Variants in GLT1D1 observed in about 807,000 individuals in gnomAD.
The protein encoded by GLT1D1 is glycosyltransferase 1 domain containing 1.
A neutral mutation model predicts 28.7 loss-of-function variants in GLT1D1; 21 were observed. That is an observed-to-expected ratio of 0.73 (90% confidence interval 0.52 to 1.05). GLT1D1 has a LOEUF of 1.05. Ranked by LOEUF, GLT1D1 falls within the 50% of genes least tolerant of loss-of-function variation. The pLI is 0.00. For synonymous variants in GLT1D1, 147 were observed against 124.8 expected, an observed-to-expected ratio of 1.18 and a Z score of -1.19; for missense variants, 343 against 330.6, an observed-to-expected ratio of 1.04 and a Z score of -0.29.
chr12:128,959,063 C>G (rs1877621770), intron 7 of GLT1D1, among the ~76,000 whole-genome samples: 1 of 151,622 alleles, frequency 6.6e-6, no homozygotes, highest in Non-Finnish European at 1.5e-5. Flanking sequence ...GTCTCGAACT[C>G]CTGGCCTCAA....
At chr12:128,873,868 C>CTCCT (rs377209374) in intron 1 of GLT1D1, among the ~76,000 whole-genome samples, 2 of 119,896 alleles carry the variant, frequency 1.7e-5, no homozygotes, top group African/African-American at 3.6e-5. Context: ...CCCTCCCTCC[C>CTCCT]TCCTTCCTTC....
chr12:128,947,785 G>T (rs1298507878), intron 6 of GLT1D1, among the ~76,000 whole-genome samples: 1 of 152,162 alleles, frequency 6.6e-6, no homozygotes, highest in Non-Finnish European at 1.5e-5. Context: ...CAGATTGAAG[G>T]TATTTTTGCA....
intron 6 of GLT1D1, among the ~76,000 whole-genome samples, chr12:128,954,344 A>T (rs1367624096): frequency 6.9e-6 from 1 of 145,258 alleles, no homozygotes; most frequent in Non-Finnish European, 1.5e-5. Flanking sequence ...GTTAGCCAGG[A>T]TGGTCTCGAT....
At chr12:128,977,683 C>T (rs1879894264) in intron 7 of GLT1D1, among the ~76,000 whole-genome samples, 1 of 151,588 alleles carries the variant, frequency 6.6e-6, no homozygotes, top group Non-Finnish European at 1.5e-5. Context: ...GTTTTAAACT[C>T]TCTTGAGAGA....
At position 128,862,328 on chromosome 12, in the gene GLT1D1, CAA is replaced by C. The variant is rs34391238; in HGVS notation, c.68+8697_68+8698del. On this transcript the variant is annotated intron_variant, in intron 1 of 7. Transcript: ENST00000281703. ...TGGGTGACAGAGTGAGACTCTGTCT[CAA>C]AAAAAAAAAAAAAAAAACCACAAAG... 1.9e-3 allele frequency among the ~76,000 whole-genome samples: 165 copies of C among 87,992 alleles called. 3 individuals are homozygous for C. Among genetic ancestry groups the C allele is most frequent in the South Asian group, 1.1e-3 (3 of 2,694 alleles). The allele number at this position is 87,992 out of a possible 152,430, so 57.7% of individuals were successfully genotyped here.
chr12:128,913,715 C>T (rs1249001207), intron 4 of GLT1D1, among the ~76,000 whole-genome samples: 2 of 152,204 alleles, frequency 1.3e-5, no homozygotes, highest in Admixed American at 6.5e-5. Context: ...CTGTCATCAC[C>T]GTGTCCTTGC....
At chr12:128,911,855 T>TA (rs1367207272) in intron 4 of GLT1D1, among the ~76,000 whole-genome samples, 1 of 151,810 alleles carries the variant, frequency 6.6e-6, no homozygotes, top group Non-Finnish European at 1.5e-5. Context: ...GCCAGGGAGG[T>TA]AACTTACCAG....
intron 4 of GLT1D1, among the ~76,000 whole-genome samples, chr12:128,908,360 CT>C (rs1040667304): frequency 3.8e-4 from 9 of 23,790 alleles, no homozygotes; most frequent in Non-Finnish European, 6.4e-4. Context: ...TTCTTTCTTT[CT>C]TTTCTTTCTT....
chr12:128,908,829 G>C (rs534371210), intron 4 of GLT1D1, among the ~76,000 whole-genome samples: 1 of 152,210 alleles, frequency 6.6e-6, no homozygotes, highest in Non-Finnish European at 1.5e-5. Flanking sequence ...GGCGCCTGTA[G>C]TCCCAGCTAC....
chr12:128,939,163 G>A (rs1359838778), intron 4 of GLT1D1, among the ~76,000 whole-genome samples: 2 of 152,046 alleles, frequency 1.3e-5, no homozygotes, highest in Admixed American at 6.5e-5. Flanking sequence ...GGGAATCCAG[G>A]GGTTCCTTTC....
chr12:128,891,669 G>A (rs1400430540), intron 3 of GLT1D1, among the ~76,000 whole-genome samples: 1 of 152,116 alleles, frequency 6.6e-6, no homozygotes, highest in Admixed American at 6.6e-5. Context: ...GGGAGCCTCA[G>A]ATTCCTTGTT....
chr12:128,888,742 C>A lies in GLT1D1; in HGVS notation c.321C>A (p.Ala107=). The A allele has an allele frequency of 3.2e-6, 5 of 1,580,854 alleles. No individual in the cohort carries two copies. The highest frequency in any genetic ancestry group is 4.3e-6 in the Non-Finnish European group (5 of 1,151,464). The change falls in exon 3 of 8, where the codon GCC becomes GCA. Residue 107 remains alanine (A), a splice_region_variant and synonymous_variant. Coordinates refer to ENST00000281703, the MANE Select transcript of GLT1D1 (RefSeq NM_144669.3). ...TCATGGGCAGAGTTCTTGAGGAAGC[C>A]AGGTAATACCTGCGAGAATTTCATC...
intron 7 of GLT1D1, among the ~76,000 whole-genome samples, chr12:128,971,561 TCTCC>T (rs1298616330): frequency 1.9e-4 from 23 of 121,816 alleles, no homozygotes; most frequent in Non-Finnish European, 1.5e-4. Context: ...TTCCTGTCTT[TCTCC>T]CTCCCTCCCT....
chr12:128,925,893 T>G (rs976735832), intron 4 of GLT1D1, among the ~76,000 whole-genome samples: 3 of 152,064 alleles, frequency 2.0e-5, no homozygotes, highest in African/African-American at 7.2e-5. Flanking sequence ...GAAATTAATA[T>G]AAAAGTAAGA....
At chr12:128,874,188 C>CTTTTTTCTTTT (rs1566091749) in intron 1 of GLT1D1, among the ~76,000 whole-genome samples, 1 of 132,636 alleles carries the variant, frequency 7.5e-6, no homozygotes, top group African/African-American at 3.1e-5. Context: ...TTTTCTCTTT[C>CTTTTTTCTTTT]TTTCTCTCTT....
At chr12:128,924,071 T>G (rs1566137319) in intron 4 of GLT1D1, among the ~76,000 whole-genome samples, 2 of 152,194 alleles carry the variant, frequency 1.3e-5, no homozygotes, top group East Asian at 3.9e-4. Context: ...CAACCCTCAC[T>G]GGGTCCTGCA....
intron 1 of GLT1D1, 38 bp downstream of exon 1, chr12:128,853,687 G>C (rs1956129269): frequency 9.5e-7 from 1 of 1,051,758 alleles, no homozygotes; most frequent in South Asian, 4.3e-5. Context: ...AGCCTGGGCC[G>C]GGGGCCGGGG....
At chr12:128,975,269 G>A (rs1259053403) in intron 7 of GLT1D1, among the ~76,000 whole-genome samples, 1 of 152,112 alleles carries the variant, frequency 6.6e-6, no homozygotes, top group Non-Finnish European at 1.5e-5. Flanking sequence ...CATGACTGGG[G>A]GCGGGGGGAA....
At chr12:128,878,331 ATC>A (rs2135802424) in intron 2 of GLT1D1, among the ~76,000 whole-genome samples, 1 of 152,286 alleles carries the variant, frequency 6.6e-6, no homozygotes, top group Admixed American at 6.5e-5. Flanking sequence ...ACATACATAG[ATC>A]TGTCTCATCC....
Sources: allele counts gnomAD v4.1 joint callset (sites outside exome capture counted in the v4.1 genomes callset), GRCh38; gene constraint gnomAD v4.1.1; transcripts MANE v1.5; gene names NCBI Gene and HGNC (gene_info 2026-07-23, HGNC 2026-07-21).